Variants in TANK observed in about 807,000 individuals in gnomAD.
The protein encoded by TANK is TRAF family member associated NFKB activator.
Under a neutral mutation model 43.6 loss-of-function variants are expected in TANK, and 15 were observed. The ratio of observed to expected loss-of-function variants is 0.34; its 90% CI spans 0.23 to 0.53. TANK has a LOEUF of 0.53. Among genes scored for constraint, TANK ranks in the 20% least tolerant of loss-of-function variants. TANK has a pLI of 0.94. For missense variants in TANK, 417 were observed against 498.6 expected, an observed-to-expected ratio of 0.84 and a Z score of 1.56; for synonymous variants, 162 against 178.2, an observed-to-expected ratio of 0.91 and a Z score of 0.73.
upstream of TANK, among the ~76,000 whole-genome samples, chr2:161,158,012 C>A (rs1258186761): frequency 6.6e-6 from 1 of 152,006 alleles, no homozygotes; most frequent in Non-Finnish European, 1.5e-5. Flanking sequence ...TAAAGGCCTG[C>A]AATTCCCTCA....
chr2:161,212,462 T>C, intron 4 of TANK: 1 of 984,590 alleles, frequency 1.0e-6, no homozygotes, highest in African/African-American at 1.7e-5. Flanking sequence ...TCTAAATTAT[T>C]AATTAATCCT....
chr2:161,143,219 G>A (rs1683802590), intron 1 of TANK, among the ~76,000 whole-genome samples: 1 of 152,000 alleles, frequency 6.6e-6, no homozygotes, highest in Non-Finnish European at 1.5e-5. Flanking sequence ...AAGGAGGTTT[G>A]GGGCTGAGAT....
chr2:161,165,314 A>C lies in TANK; in HGVS notation c.-50+4828A>C, dbSNP rs1001506074. ...AGAGTGACTTGCTATAAGGGACAGAAGTTAGAGACTTAGATTCTTTCAAAA... is the reference window on the plus strand; with the variant it reads ...AGAGTGACTTGCTATAAGGGACAGACGTTAGAGACTTAGATTCTTTCAAAA... On this transcript the variant is annotated intron_variant, in intron 1 of 7. Coordinates refer to ENST00000392749, the MANE Select transcript of TANK (RefSeq NM_001199135.3). Among the ~76,000 whole-genome samples the C allele has an allele frequency of 2.0e-5, 3 of 152,286 alleles. No individual in the cohort carries two copies. In the South Asian group the frequency reaches 6.2e-4, roughly 32 times the overall value.
chr2:161,214,853 A>T (rs1373996503), intron 4 of TANK, among the ~76,000 whole-genome samples: 1 of 152,172 alleles, frequency 6.6e-6, no homozygotes, highest in African/African-American at 2.4e-5. Context: ...TCTTATTTTC[A>T]TTGGTCCTGC....
At chr2:161,179,352 T>G (rs748336470) in intron 1 of TANK, 3 of 362,196 alleles carry the variant, frequency 8.3e-6, no homozygotes, top group Non-Finnish European at 4.9e-6. Flanking sequence ...TAGGTTAAGT[T>G]TATAGATTAG....
intron 2 of TANK, among the ~76,000 whole-genome samples, chr2:161,190,106 A>G (rs1313914705): frequency 6.6e-6 from 1 of 152,216 alleles, no homozygotes; most frequent in East Asian, 1.9e-4. Context: ...TATCTAGAAT[A>G]TATAAAGAAC....
intron 1 of TANK, among the ~76,000 whole-genome samples, chr2:161,155,150 C>T (rs1684190227): frequency 6.6e-6 from 1 of 152,058 alleles, no homozygotes; most frequent in Non-Finnish European, 1.5e-5. Context: ...CTGTAATTTT[C>T]TTATTTCTAT....
At chr2:161,234,610 TA>T (rs765450639) in intron 7 of TANK, among the ~76,000 whole-genome samples, 71 of 152,328 alleles carry the variant, frequency 4.7e-4, no homozygotes, top group Non-Finnish European at 1.3e-4. Context: ...TGACTTTCCA[TA>T]ATTCTTTAAC....
At chr2:161,160,750 A>G (rs927447806) in intron 1 of TANK, 6 of 560,822 alleles carry the variant, frequency 1.1e-5, no homozygotes, top group South Asian at 3.2e-5. Flanking sequence ...CTCTGCCCCA[A>G]CGGCTTCAAG....
chr2:161,194,055 C>T (rs1012883677), intron 2 of TANK, among the ~76,000 whole-genome samples: 1 of 152,136 alleles, frequency 6.6e-6, no homozygotes, highest in Non-Finnish European at 1.5e-5. Context: ...TCATCAATTT[C>T]TGCCACTGTT....
chr2:161,204,733 G>C lies in TANK; in HGVS notation c.267G>C (p.Leu89Phe), dbSNP rs779924853. Residue 89 changes from leucine (L) to phenylalanine (F), a missense_variant, in exon 4 of 8, where the codon TTG (leucine) becomes TTC (phenylalanine). Physicochemically the swap from Leu to Phe is conservative, Grantham distance 22. Transcript: ENST00000392749. ...LEDSETRKNN[L>F]TLDQPQDKVI... ...ACAGTGAAACAAGAAAGAATAATTT[G>C]ACTCTTGATCAGCCACAAGATAAAG... 6.2e-7 allele frequency: 1 copy of C among 1,608,106 alleles called. No homozygotes were observed. Among genetic ancestry groups the C allele is most frequent in the Admixed American group, 1.7e-5 (1 of 58,822 alleles).
chr2:161,217,002 C>T (rs1239741095), intron 4 of TANK, among the ~76,000 whole-genome samples: 3 of 152,186 alleles, frequency 2.0e-5, no homozygotes, highest in Non-Finnish European at 4.4e-5. Flanking sequence ...CATTTGTATA[C>T]AGGTTTCTGT....
intron 1 of TANK, among the ~76,000 whole-genome samples, chr2:161,151,724 C>G (rs1684086480): frequency 6.6e-6 from 1 of 152,128 alleles, no homozygotes; most frequent in African/African-American, 2.4e-5. Flanking sequence ...ATTATCCATT[C>G]TGCCAAGCTC....
chr2:161,189,080 T>G (rs1357270610), intron 2 of TANK, among the ~76,000 whole-genome samples: 1 of 152,180 alleles, frequency 6.6e-6, no homozygotes, highest in Non-Finnish European at 1.5e-5. Flanking sequence ...CAACCTCAGG[T>G]ATTCTGCTAT....
In TANK at chr2:161,160,849, T is replaced by G. The variant is rs113921920; in HGVS notation, c.-50+363T>G. 5.1e-4 allele frequency: 261 copies of G among 515,604 alleles called. 2 individuals are homozygous for G. The highest frequency in any genetic ancestry group is 4.4e-3 in the African/African-American group (231 of 52,206). The allele number at this position is 515,604 out of a possible 1,614,324, so 31.9% of individuals were successfully genotyped here. On this transcript the variant is annotated intron_variant, in intron 1 of 7. Transcript: ENST00000392749. ...TGAGCAGTGGACCCTCCAGGAACAT[T>G]CCCGACTTCCCTTCGGGAGAGAGAC...
chr2:161,167,167 T>C (rs528392008), intron 1 of TANK, among the ~76,000 whole-genome samples: 2 of 152,356 alleles, frequency 1.3e-5, no homozygotes, highest in East Asian at 1.9e-4. Context: ...TACAAAAAAG[T>C]AGACCTTACT....
intron 1 of TANK, among the ~76,000 whole-genome samples, chr2:161,147,051 C>T (rs908345649): frequency 2.0e-5 from 3 of 152,060 alleles, no homozygotes; most frequent in African/African-American, 2.4e-5. Flanking sequence ...AGGGAGGCCC[C>T]GCCCAATAAG....
intron 1 of TANK, among the ~76,000 whole-genome samples, chr2:161,171,946 CTG>C (rs1189004300): frequency 1.4e-4 from 22 of 152,096 alleles, no homozygotes; most frequent in Admixed American, 1.4e-3. Flanking sequence ...TAGATACAAA[CTG>C]TACCACTCTT....
At chr2:161,184,583 T>G (rs907546567) in intron 2 of TANK, among the ~76,000 whole-genome samples, 1 of 152,014 alleles carries the variant, frequency 6.6e-6, no homozygotes, top group Non-Finnish European at 1.5e-5. Flanking sequence ...GCATTAGAGA[T>G]GAGTTGGGGA....
Sources: gnomAD v4.1 joint callset for allele counts (sites outside exome capture counted in the v4.1 genomes callset) on GRCh38, gnomAD v4.1.1 for gene constraint, MANE v1.5 for transcripts, NCBI Gene and HGNC (gene_info 2026-07-23, HGNC 2026-07-21) for gene names.